The following JPH2 variants were observed in gnomAD, a reference collection of about 807,000 sequenced individuals.
JPH2 encodes the protein junctophilin-2.
In JPH2, 38 loss-of-function variants were observed where a neutral mutation model predicts 55.9. The ratio of observed to expected loss-of-function variants is 0.68; its 90% confidence interval spans 0.52 to 0.89. The LOEUF is 0.89. Among genes scored for constraint, JPH2 ranks in the 40% least tolerant of loss-of-function variants. JPH2 has a pLI of 0.00. For synonymous variants in JPH2, 480 were observed against 472.4 expected, an observed-to-expected ratio of 1.02 and a Z score of -0.21; for missense variants, 964 against 1,037.6, an observed-to-expected ratio of 0.93 and a Z score of 0.97.
intron 1 of JPH2, among the ~76,000 whole-genome samples, chr20:44,184,190 AAT>A (rs1245894498): frequency 6.6e-6 from 1 of 152,056 alleles, no homozygotes; most frequent in African/African-American, 2.4e-5. Context: ...TCAGATAGTA[AAT>A]ACTTTGGGTT....
In JPH2 at chr20:44,108,800, C is replaced by T. The variant is rs1167526712; in HGVS notation, c.*4718G>A. ...TGGTCTGTGGACAAAATATGACTCC[C>T]CGCTCAGTCCAGGCTCTGTCACTGA... On this transcript the variant is annotated 3_prime_UTR_variant, in exon 6 of 6. Transcript: ENST00000372980. Among the ~76,000 whole-genome samples the T allele has an allele frequency of 1.3e-5, 2 of 152,110 alleles. No homozygotes were observed. The highest frequency in any genetic ancestry group is 4.8e-5 in the African/African-American group (2 of 41,404).
chr20:44,118,427 T>C, intron 3 of JPH2, 78 bp downstream of exon 3: 4 of 1,146,808 alleles, frequency 3.5e-6, no homozygotes, highest in Non-Finnish European at 5.2e-6. Flanking sequence ...CTTGGGCATC[T>C]CAGATTCCAG....
At chr20:44,133,633 C>A (rs2072340473) in intron 2 of JPH2, among the ~76,000 whole-genome samples, 1 of 151,602 alleles carries the variant, frequency 6.6e-6, no homozygotes, top group African/African-American at 2.4e-5. Flanking sequence ...GTGTCTATTC[C>A]CCTTCTATGT....
intron 1 of JPH2, among the ~76,000 whole-genome samples, chr20:44,172,330 T>C (rs556313046): frequency 6.6e-6 from 1 of 152,224 alleles, no homozygotes; most frequent in East Asian, 1.9e-4. Flanking sequence ...GCAAACCAGC[T>C]CTTTAGGACA....
At chr20:44,113,978 A>G (rs550079429) in intron 5 of JPH2, among the ~76,000 whole-genome samples, 28 of 152,338 alleles carry the variant, frequency 1.8e-4, no homozygotes, top group Non-Finnish European at 3.8e-4. Context: ...AAGAACCTCC[A>G]GCCCAAACTA....
chr20:44,117,018 C>A (rs1055345223), intron 3 of JPH2, among the ~76,000 whole-genome samples: 14 of 152,224 alleles, frequency 9.2e-5, no homozygotes, highest in African/African-American at 3.4e-4. Flanking sequence ...CGGTGGCTCA[C>A]GCCTGTAATC....
intron 1 of JPH2, among the ~76,000 whole-genome samples, chr20:44,166,777 G>A (rs955428608): frequency 5.3e-5 from 8 of 152,162 alleles, no homozygotes; most frequent in Non-Finnish European, 7.4e-5. Context: ...GAGGGAGGCC[G>A]CTGCCCATGG....
intron 2 of JPH2, among the ~76,000 whole-genome samples, chr20:44,122,911 G>A (rs1383631645): frequency 6.6e-6 from 1 of 152,122 alleles, no homozygotes; most frequent in African/African-American, 2.4e-5. Context: ...GGGAGGAGGA[G>A]GGAAAGGGCT....
At chr20:44,133,537 C>T (rs2072339764) in intron 2 of JPH2, among the ~76,000 whole-genome samples, 1 of 152,002 alleles carries the variant, frequency 6.6e-6, no homozygotes, top group Admixed American at 6.6e-5. Context: ...TTGTGCTAAG[C>T]CGCATCACCA....
chr20:44,177,205 G>A (rs185656762), intron 1 of JPH2: 1 of 985,642 alleles, frequency 1.0e-6, no homozygotes, highest in Non-Finnish European at 1.2e-6. Flanking sequence ...TGAGAACAAG[G>A]ATAACCCTCC....
At chr20:44,129,573 A>C (rs7348345) in intron 2 of JPH2, among the ~76,000 whole-genome samples, 17,672 of 111,970 alleles carry the variant, frequency 0.16, 1,405 homozygotes, top group Admixed American at 0.29. Flanking sequence ...AAAAAAACAA[A>C]AAAAACAAAA....
intron 2 of JPH2, among the ~76,000 whole-genome samples, chr20:44,121,189 C>A (rs76350810): frequency 6.6e-6 from 1 of 152,078 alleles, no homozygotes; most frequent in African/African-American, 2.4e-5. Flanking sequence ...GAAACACATA[C>A]GTTAGGCCCC....
In JPH2 at chr20:44,142,266, T is replaced by C. The variant is rs111781997; in HGVS notation, c.1169+17352A>G. Among the ~76,000 whole-genome samples the C allele has an allele frequency of 1.7e-3, 252 of 152,304 alleles. 1 individual carries two copies. The highest frequency in any genetic ancestry group is 5.8e-3 in the African/African-American group (240 of 41,558). On this transcript the variant is annotated intron_variant, in intron 2 of 5. Coordinates refer to ENST00000372980, the MANE Select transcript of JPH2 (RefSeq NM_020433.5). ...CTGTGCTGTCCCAGCTATCGAACAC[T>C]TGATATGTGGCTGCTGAGACTGAGA...
chr20:44,171,797 T>G (rs146914199), intron 1 of JPH2, among the ~76,000 whole-genome samples: 1 of 152,344 alleles, frequency 6.6e-6, no homozygotes, highest in East Asian at 1.9e-4. Context: ...AGTTCATAAA[T>G]TCTTCTATTT....
intron 1 of JPH2, among the ~76,000 whole-genome samples, chr20:44,175,783 GC>G (rs1228396040): frequency 6.6e-6 from 1 of 152,232 alleles, no homozygotes; most frequent in Non-Finnish European, 1.5e-5. Context: ...TGGGGAAAAG[GC>G]CCATTTCCAG....
chr20:44,173,393 A>T (rs2072711556), intron 1 of JPH2, among the ~76,000 whole-genome samples: 1 of 152,288 alleles, frequency 6.6e-6, no homozygotes, highest in Non-Finnish European at 1.5e-5. Context: ...AGTATAAAAA[A>T]GCCAGCTTCG....
intron 2 of JPH2, among the ~76,000 whole-genome samples, chr20:44,152,104 GCTGCCCACA>G (rs533942883): frequency 1.1e-3 from 162 of 152,340 alleles, no homozygotes; most frequent in African/African-American, 3.8e-3. Context: ...TCCAGAGGAC[GCTGCCCACA>G]CTGATTCACC....
At chr20:44,143,789 C>T (rs2072475058) in intron 2 of JPH2, among the ~76,000 whole-genome samples, 1 of 152,106 alleles carries the variant, frequency 6.6e-6, no homozygotes. Flanking sequence ...TTTTTTAAAG[C>T]TCATGCTGGC....
At chr20:44,155,376 T>G (rs1123401) in intron 2 of JPH2, among the ~76,000 whole-genome samples, 47,692 of 152,048 alleles carry the variant, frequency 0.31, 7,736 homozygotes, top group African/African-American at 0.38. Flanking sequence ...GCCCAGGGTG[T>G]TCCAGGACAG....
Sources: allele counts gnomAD v4.1 joint callset (sites outside exome capture counted in the v4.1 genomes callset), GRCh38; gene constraint gnomAD v4.1.1; transcripts MANE v1.5; gene names NCBI Gene and HGNC (gene_info 2026-07-23, HGNC 2026-07-21).